EPHA5: variants seen among roughly 807,000 people sequenced by gnomAD.
The protein encoded by EPHA5 is ephrin type-A receptor 5.
EPHA5 carries 60 observed loss-of-function variants against 105.0 expected under a neutral mutation model. The observed-to-expected ratio is 0.57, with a 90% CI of 0.46 to 0.71. The LOEUF is 0.71. Ranked by LOEUF, EPHA5 falls within the 30% of genes least tolerant of loss-of-function variation. The pLI, the probability that EPHA5 is intolerant of heterozygous loss-of-function variation, is 0.00. For synonymous variants in EPHA5, 513 were observed against 449.1 expected, an observed-to-expected ratio of 1.14 and a Z score of -1.80; for missense variants, 1,218 against 1,274.7, an observed-to-expected ratio of 0.96 and a Z score of 0.68.
chr4:65,657,281 G>A (rs1749161980), intron 1 of EPHA5, among the ~76,000 whole-genome samples: 1 of 152,016 alleles, frequency 6.6e-6, no homozygotes, highest in African/African-American at 2.4e-5. Context: ...TATATTAATT[G>A]TTTTTCTGGA....
At chr4:65,640,282 C>CTTT (rs869149037) in intron 2 of EPHA5, among the ~76,000 whole-genome samples, 43,792 of 93,358 alleles carry the variant, frequency 0.47, 10,931 homozygotes, top group Middle Eastern at 0.58. Context: ...TCAGTTTTTT[C>CTTT]TTTTTTTTTT....
intron 3 of EPHA5, among the ~76,000 whole-genome samples, chr4:65,546,548 T>A (rs1560678667): frequency 6.6e-6 from 1 of 152,054 alleles, no homozygotes; most frequent in Non-Finnish European, 1.5e-5. Context: ...TAGTTCAATA[T>A]GTTCTGAGTG....
intron 16 of EPHA5, chr4:65,331,576 T>C (rs763759952): frequency 2.8e-6 from 3 of 1,059,810 alleles, no homozygotes; most frequent in Non-Finnish European, 3.4e-6. Flanking sequence ...TGTACAAATA[T>C]GTTTGGTCCT....
At chr4:65,600,406 T>C (rs1743603909) in intron 3 of EPHA5, among the ~76,000 whole-genome samples, 1 of 152,102 alleles carries the variant, frequency 6.6e-6, no homozygotes, top group African/African-American at 2.4e-5. Flanking sequence ...GAATTAATAG[T>C]AGATGGTATT....
chr4:65,575,564 G>A (rs79834015), intron 3 of EPHA5, among the ~76,000 whole-genome samples: 116 of 152,208 alleles, frequency 7.6e-4, no homozygotes, highest in African/African-American at 2.7e-3. Context: ...ATCCTATGAA[G>A]CAATTGAGCT....
chr4:65,417,005 C>T (rs1458771979), intron 6 of EPHA5, among the ~76,000 whole-genome samples: 1 of 152,228 alleles, frequency 6.6e-6, no homozygotes, highest in Non-Finnish European at 1.5e-5. Flanking sequence ...CGTGCCCCAG[C>T]TGAGCAAATG....
At chr4:65,430,520 A>G (rs1724870081) in intron 5 of EPHA5, among the ~76,000 whole-genome samples, 1 of 151,808 alleles carries the variant, frequency 6.6e-6, no homozygotes, top group African/African-American at 2.4e-5. Flanking sequence ...TACATAATAT[A>G]TCACATTTAT....
intron 3 of EPHA5, among the ~76,000 whole-genome samples, chr4:65,575,335 A>T (rs1740786630): frequency 6.6e-6 from 1 of 152,116 alleles, no homozygotes; most frequent in Non-Finnish European, 1.5e-5. Context: ...TTGATGTCCA[A>T]ACCCCACTCC....
chr4:65,331,728 G>T, intron 16 of EPHA5: 2 of 1,201,894 alleles, frequency 1.7e-6, no homozygotes, highest in Non-Finnish European at 2.1e-6. Flanking sequence ...TTGCCAAGGA[G>T]CTGTTATTCC....
intron 8 of EPHA5, among the ~76,000 whole-genome samples, chr4:65,369,751 G>A (rs541188069): frequency 5.3e-5 from 8 of 152,104 alleles, no homozygotes; most frequent in African/African-American, 1.4e-4. Context: ...GCAGATCCAC[G>A]AGGTCAGGAG....
intron 3 of EPHA5, among the ~76,000 whole-genome samples, chr4:65,496,811 G>A (rs961026913): frequency 6.6e-6 from 1 of 152,140 alleles, no homozygotes; most frequent in African/African-American, 2.4e-5. Context: ...ACCACAAAAG[G>A]CGTTCAAAGA....
chr4:65,345,403 T>C (rs1170415310), intron 14 of EPHA5, among the ~76,000 whole-genome samples: 2 of 152,248 alleles, frequency 1.3e-5, no homozygotes, highest in African/African-American at 4.8e-5. Context: ...GGAAAGCTGA[T>C]GTGTGACCCT....
intron 16 of EPHA5, among the ~76,000 whole-genome samples, chr4:65,325,006 T>C (rs927556205): frequency 4.0e-5 from 6 of 151,448 alleles, no homozygotes; most frequent in African/African-American, 1.5e-4. Flanking sequence ...ACAGGATGTT[T>C]AGGAATGCTA....
chr4:65,320,471 A>C lies in EPHA5; in HGVS notation c.*3643T>G. 4.4e-6 allele frequency: 1 copy of C among 229,312 alleles called. No individual in the cohort carries two copies. The highest frequency in any genetic ancestry group is 6.2e-5 in the East Asian group (1 of 16,188). 14.2% of individuals were successfully genotyped at this position (229,312 alleles called of 1,614,324 possible). On this transcript the variant is annotated 3_prime_UTR_variant, in exon 17 of 17. Transcript: ENST00000613740. ...TTTTCTTATTTTTAGGAAAAACAAA[A>C]TGAGAAAGGGACCTTATTCTACTAT...
chr4:65,330,650 T>C (rs1050063398), intron 16 of EPHA5: 31 of 633,400 alleles, frequency 4.9e-5, no homozygotes, highest in Non-Finnish European at 6.2e-5. Context: ...AAATGACAAA[T>C]GACTTTAATA....
intron 2 of EPHA5, 141 bp from the exon 3 acceptor site, chr4:65,602,445 A>G (rs1366719852): frequency 8.3e-6 from 5 of 599,894 alleles, no homozygotes; most frequent in African/African-American, 1.9e-5. Flanking sequence ...AGAAGGAACT[A>G]GATATAAAGT....
At chr4:65,655,830 G>T (rs541087645) in intron 1 of EPHA5, among the ~76,000 whole-genome samples, 2 of 152,180 alleles carry the variant, frequency 1.3e-5, no homozygotes, top group East Asian at 3.9e-4. Context: ...GGGACCATTG[G>T]TTTAAAGTAA....
chr4:65,498,968 A>G lies in EPHA5; in HGVS notation c.911-3425T>C, dbSNP rs577232238. Among the ~76,000 whole-genome samples the G allele has an allele frequency of 1.2e-3, 175 of 141,052 alleles. 1 individual carries two copies. Among genetic ancestry groups the G allele is most frequent in the Non-Finnish European group, 2.0e-3 (130 of 64,016 alleles). The allele number at this position is 141,052 out of a possible 152,430, so 92.5% of individuals were successfully genotyped here. ...ATTCCCTTAGTTAACTTCATTTCCA[A>G]CATCAACAGGATTTTCTTGTAGCAT... On this transcript the variant is annotated intron_variant, in intron 3 of 16. Transcript: ENST00000613740.
chr4:65,507,630 T>C (rs1366209917), intron 3 of EPHA5, among the ~76,000 whole-genome samples: 1 of 152,122 alleles, frequency 6.6e-6, no homozygotes, highest in South Asian at 2.1e-4. Context: ...CTTGAAGCAA[T>C]TGTGAATGGG....
Sources: allele counts gnomAD v4.1 joint callset (sites outside exome capture counted in the v4.1 genomes callset), GRCh38; gene constraint gnomAD v4.1.1; transcripts MANE v1.5; gene names NCBI Gene and HGNC (gene_info 2026-07-23, HGNC 2026-07-21).